CACNA2D3: variants seen among roughly 807,000 people sequenced by gnomAD.
CACNA2D3 encodes the protein calcium voltage-gated channel auxiliary subunit alpha2delta 3.
CACNA2D3 carries 60 observed loss-of-function variants against 160.6 expected under a neutral mutation model. The observed-to-expected ratio is 0.37, with a 90% CI of 0.30 to 0.46. The LOEUF is 0.46. Ranked by LOEUF, CACNA2D3 falls within the 20% of genes least tolerant of loss-of-function variation. CACNA2D3 has a pLI of 1.00. For synonymous variants in CACNA2D3, 558 were observed against 492.9 expected (o/e 1.13, Z -1.75); for missense variants, 1,205 against 1,365.0 (o/e 0.88, Z 1.85).
intron 35 of CACNA2D3, among the ~76,000 whole-genome samples, chr3:55,058,908 G>T (rs536368790): frequency 6.6e-6 from 1 of 151,950 alleles, no homozygotes; most frequent in Admixed American, 6.6e-5. Flanking sequence ...GGATTTAAAC[G>T]GTGTGATACT....
intron 4 of CACNA2D3, among the ~76,000 whole-genome samples, chr3:54,449,573 C>T (rs1178525757): frequency 6.6e-6 from 1 of 152,154 alleles, no homozygotes; most frequent in Non-Finnish European, 1.5e-5. Context: ...GAGGTGGGGC[C>T]TGGTGGGAGG....
chr3:54,707,648 C>G (rs1156853890), intron 11 of CACNA2D3, among the ~76,000 whole-genome samples: 1 of 152,090 alleles, frequency 6.6e-6, no homozygotes, highest in African/African-American at 2.4e-5. Context: ...CAAAGCTTTA[C>G]CGAGAAGCTG....
chr3:54,593,680 C>A (rs7637199), intron 9 of CACNA2D3, among the ~76,000 whole-genome samples: 48,547 of 152,024 alleles, frequency 0.32, 8,107 homozygotes, highest in Admixed American at 0.43. Context: ...GAGGATATAA[C>A]TTCTGCTGAT....
intron 8 of CACNA2D3, among the ~76,000 whole-genome samples, chr3:54,579,709 A>G (rs1209826820): frequency 5.3e-5 from 8 of 152,194 alleles, no homozygotes; most frequent in Non-Finnish European, 1.2e-4. Flanking sequence ...TTTCTCAGCA[A>G]CTTCCAGGGT....
intron 35 of CACNA2D3, among the ~76,000 whole-genome samples, chr3:55,056,830 A>G (rs1399745161): frequency 6.6e-6 from 1 of 152,190 alleles, no homozygotes; most frequent in Non-Finnish European, 1.5e-5. Flanking sequence ...TGATGTTTGA[A>G]GGGTAAAAAA....
At chr3:54,943,394 CCTTT>C (rs560025276) in intron 27 of CACNA2D3, among the ~76,000 whole-genome samples, 36 of 152,234 alleles carry the variant, frequency 2.4e-4, no homozygotes, top group African/African-American at 8.2e-4. Flanking sequence ...GTATTTACTT[CCTTT>C]AATACATGGT....
intron 27 of CACNA2D3, among the ~76,000 whole-genome samples, chr3:54,958,539 C>T (rs1439745843): frequency 6.6e-6 from 1 of 152,130 alleles, no homozygotes; most frequent in Non-Finnish European, 1.5e-5. Flanking sequence ...GGCAGGTCTT[C>T]CAATGTGGGG....
intron 13 of CACNA2D3, among the ~76,000 whole-genome samples, chr3:54,777,724 G>A (rs1702450115): frequency 6.6e-6 from 1 of 152,134 alleles, no homozygotes; most frequent in Non-Finnish European, 1.5e-5. Context: ...TAAAGGAGCA[G>A]TTGTTTCCAT....
chr3:54,217,615 G>A (rs549380072), intron 2 of CACNA2D3, among the ~76,000 whole-genome samples: 16 of 152,270 alleles, frequency 1.1e-4, no homozygotes, highest in Middle Eastern at 3.4e-3. Context: ...GACAGAGGCA[G>A]AGATCAGAGC....
intron 3 of CACNA2D3, among the ~76,000 whole-genome samples, chr3:54,371,624 G>T (rs1698927745): frequency 6.6e-6 from 1 of 152,146 alleles, no homozygotes; most frequent in African/African-American, 2.4e-5. Context: ...ACTCAAGTAA[G>T]ATCTCTCCTC....
At chr3:54,655,312 A>G (rs1055625956) in intron 11 of CACNA2D3, among the ~76,000 whole-genome samples, 1 of 152,176 alleles carries the variant, frequency 6.6e-6, no homozygotes, top group Non-Finnish European at 1.5e-5. Flanking sequence ...AATTATACAT[A>G]TCTGGCAGTA....
chr3:54,338,012 A>G (rs957742515), intron 3 of CACNA2D3, among the ~76,000 whole-genome samples: 3 of 152,188 alleles, frequency 2.0e-5, no homozygotes, highest in Admixed American at 2.0e-4. Context: ...GTCTGGCTCG[A>G]TGGCTGTTGG....
At chr3:54,919,620 G>A (rs1039880415) in intron 27 of CACNA2D3, among the ~76,000 whole-genome samples, 2 of 152,162 alleles carry the variant, frequency 1.3e-5, no homozygotes, top group African/African-American at 4.8e-5. Context: ...TGGGTGGTCG[G>A]TCATTCTTTC....
At chr3:54,348,386 A>G (rs975642179) in intron 3 of CACNA2D3, among the ~76,000 whole-genome samples, 2 of 152,200 alleles carry the variant, frequency 1.3e-5, no homozygotes, top group African/African-American at 4.8e-5. Flanking sequence ...AAGATAAAAT[A>G]TTTTTTGATT....
intron 2 of CACNA2D3, among the ~76,000 whole-genome samples, chr3:54,255,138 C>G (rs545903092): frequency 6.6e-6 from 1 of 152,302 alleles, no homozygotes; most frequent in African/African-American, 2.4e-5. Context: ...CCTGATTTCC[C>G]TCTTTTAAAA....
At position 54,288,168 on chromosome 3, in the gene CACNA2D3, A is replaced by T. The variant is rs368373470; in HGVS notation, c.205-32274A>T. The stretch of plus-strand genomic sequence containing the variant: ...TTGAAAGGATCAACAAAATTGATAG[A>T]CCGCTAGCAAGACTAATAAAGAAGA... On this transcript the variant is annotated intron_variant, in intron 2 of 37. Transcript: ENST00000474759. Among the ~76,000 whole-genome samples, 575 of 152,280 alleles carry T rather than the reference A, an allele frequency of 3.8e-3. 14 individuals carry two copies. The East Asian group carries it at 0.061, about 16-fold the overall frequency.
intron 11 of CACNA2D3, among the ~76,000 whole-genome samples, chr3:54,652,783 CTTT>C (rs11428424): frequency 2.5e-5 from 3 of 118,268 alleles, no homozygotes; most frequent in Admixed American, 9.3e-5. Flanking sequence ...CCATGGGAGG[CTTT>C]TTTTTTTTTT....
chr3:54,907,333 C>T (rs773152287), intron 27 of CACNA2D3, among the ~76,000 whole-genome samples: 16 of 152,134 alleles, frequency 1.1e-4, no homozygotes, highest in Non-Finnish European at 2.2e-4. Flanking sequence ...GGATCTCTAA[C>T]AGCCTCATTT....
At chr3:54,731,650 G>A (rs1224661080) in intron 11 of CACNA2D3, among the ~76,000 whole-genome samples, 2 of 152,178 alleles carry the variant, frequency 1.3e-5, no homozygotes, top group East Asian at 3.9e-4. Context: ...AGAGAATTCT[G>A]TCTTTACTGG....
Sources: gnomAD v4.1 joint callset for allele counts (sites outside exome capture counted in the v4.1 genomes callset) on GRCh38, gnomAD v4.1.1 for gene constraint, MANE v1.5 for transcripts, NCBI Gene and HGNC (gene_info 2026-07-23, HGNC 2026-07-21) for gene names.